Variants in GRIP1 observed in about 807,000 individuals in gnomAD.
GRIP1 encodes glutamate receptor-interacting protein 1.
GRIP1 carries 45 observed loss-of-function variants against 129.9 expected under a neutral mutation model. The observed-to-expected ratio is 0.35, with a 90% CI of 0.27 to 0.44. The LOEUF (loss-of-function observed/expected upper bound fraction) is 0.44, where lower values mean the gene tolerates loss of function less well. Among genes scored for constraint, GRIP1 ranks in the 20% least tolerant of loss-of-function variants. The pLI, the probability that GRIP1 is intolerant of heterozygous loss-of-function variation, is 1.00. For missense variants in GRIP1, 1,196 were observed against 1,396.8 expected (o/e 0.86, Z 2.29); for synonymous variants, 530 against 520.8 (o/e 1.02, Z -0.24).
intron 15 of GRIP1, among the ~76,000 whole-genome samples, chr12:66,411,865 G>A (rs1267708072): frequency 1.3e-5 from 2 of 152,142 alleles, no homozygotes; most frequent in African/African-American, 4.8e-5. Flanking sequence ...AATAGACTAA[G>A]TGGAACAAAG....
At chr12:66,984,674 C>G (rs1482258868) in intron 1 of GRIP1, among the ~76,000 whole-genome samples, 1 of 152,078 alleles carries the variant, frequency 6.6e-6, no homozygotes, top group Admixed American at 6.6e-5. Flanking sequence ...TACTAAAAAC[C>G]CAATCAGATT....
rs2054076556 is a variant in GRIP1 at position 66,348,442 on chromosome 12, T to C, written c.*577A>G. 6.4e-6 allele frequency: 1 copy of C among 156,222 alleles called. No individual in the cohort carries two copies. 9.7% of individuals were successfully genotyped at this position (156,222 alleles called of 1,614,324 possible). A position where few individuals can be genotyped will look rare whatever the true frequency, so the allele number is the denominator to read the frequency against. On this transcript the variant is annotated 3_prime_UTR_variant, in exon 25 of 25. Transcript: ENST00000359742. ...CATTCCTATACGTGGGCAAAACATT[T>C]ACCACCACCTATTATGGTCTCCTAC...
chr12:66,562,924 A>G (rs1305668451), intron 2 of GRIP1, among the ~76,000 whole-genome samples: 1 of 152,118 alleles, frequency 6.6e-6, no homozygotes, highest in Non-Finnish European at 1.5e-5. Context: ...CATAAGGAAG[A>G]AAATATATTT....
At chr12:66,744,807 TAATTTA>T (rs2036894370) in intron 1 of GRIP1, among the ~76,000 whole-genome samples, 1 of 152,196 alleles carries the variant, frequency 6.6e-6, no homozygotes, top group Admixed American at 6.5e-5. Flanking sequence ...TCATCCATCA[TAATTTA>T]GTTTTATACA....
intron 11 of GRIP1, among the ~76,000 whole-genome samples, chr12:66,450,363 A>G (rs2138176383): frequency 6.7e-6 from 1 of 149,556 alleles, no homozygotes; most frequent in Admixed American, 6.7e-5. Flanking sequence ...AAGTCAGTTT[A>G]ATAGTAACAG....
intron 3 of GRIP1, among the ~76,000 whole-genome samples, chr12:66,540,532 T>TA (rs2061742104): frequency 6.6e-6 from 1 of 152,162 alleles, no homozygotes; most frequent in African/African-American, 2.4e-5. Flanking sequence ...CTTAAAAGCC[T>TA]AAAGAAAGCA....
At chr12:66,460,629 T>C (rs186757741) in intron 9 of GRIP1, among the ~76,000 whole-genome samples, 82 of 152,318 alleles carry the variant, frequency 5.4e-4, no homozygotes, top group Non-Finnish European at 8.2e-4. Context: ...TAATCTCTTA[T>C]CCCAAGTTGA....
chr12:66,414,991 G>GAAAAT (rs1592807956), intron 15 of GRIP1, among the ~76,000 whole-genome samples: 1 of 89,008 alleles, frequency 1.1e-5, no homozygotes, highest in East Asian at 3.3e-4. Flanking sequence ...AAATAAAATG[G>GAAAAT]ATTAAAGACT....
intron 1 of GRIP1, among the ~76,000 whole-genome samples, chr12:66,628,266 T>C (rs547156650): frequency 6.6e-6 from 1 of 152,268 alleles, no homozygotes; most frequent in East Asian, 1.9e-4. Context: ...CTAGAGCTCA[T>C]CACTGTGCCT....
chr12:66,385,454 T>G (rs1354465294), intron 19 of GRIP1, among the ~76,000 whole-genome samples: 1 of 152,098 alleles, frequency 6.6e-6, no homozygotes, highest in Admixed American at 6.6e-5. Context: ...GAGAGTCACT[T>G]GAACCTGGGA....
chr12:66,476,021 A>G (rs2059596575), intron 7 of GRIP1, among the ~76,000 whole-genome samples: 1 of 152,246 alleles, frequency 6.6e-6, no homozygotes, highest in South Asian at 2.1e-4. Flanking sequence ...CTAAGATCAG[A>G]GGAGAACTGA....
In GRIP1 at chr12:66,458,019, C is replaced by A. The variant is rs185129700; in HGVS notation, c.1043-1677G>T. Among the ~76,000 whole-genome samples, 85 of 152,298 alleles carry A rather than the reference C, an allele frequency of 5.6e-4. No individual in the cohort carries two copies. The Middle Eastern group carries it at 0.014, about 24-fold the overall frequency. The stretch of plus-strand genomic sequence containing the variant: ...ATTGATTTGTCTACTTTTCCATTTA[C>A]GTGCCAACAATAAAGTATCTTTTAA... On this transcript the variant is annotated intron_variant, in intron 9 of 24. Transcript: ENST00000359742.
intron 1 of GRIP1, among the ~76,000 whole-genome samples, chr12:66,736,346 A>ATTTTTTTTTTTTTTTTTTTTTTTT (rs547706592): frequency 1.5e-5 from 1 of 67,004 alleles, no homozygotes; most frequent in Non-Finnish European, 2.7e-5. Context: ...TGCCTGGCTA[A>ATTTTTTTTTTTTTTTTTTTTTTTT]TTTTTTTTTT....
chr12:66,435,299 C>G (rs1159156926), intron 13 of GRIP1, among the ~76,000 whole-genome samples: 1 of 150,646 alleles, frequency 6.6e-6, no homozygotes, highest in Non-Finnish European at 1.5e-5. Context: ...CCTCTGCAGG[C>G]TCAGGTGATC....
intron 1 of GRIP1, among the ~76,000 whole-genome samples, chr12:66,882,981 G>C (rs745603838): frequency 6.6e-6 from 1 of 152,100 alleles, no homozygotes; most frequent in Non-Finnish European, 1.5e-5. Context: ...CACAAGCAAA[G>C]TAAGAAACAA....
At chr12:66,665,762 C>G (rs1027178127) in intron 1 of GRIP1, among the ~76,000 whole-genome samples, 1 of 152,164 alleles carries the variant, frequency 6.6e-6, no homozygotes, top group Non-Finnish European at 1.5e-5. Flanking sequence ...AGTCACGTAG[C>G]ATGCATTTTT....
At chr12:66,465,901 G>A (rs1481529110) in intron 7 of GRIP1, among the ~76,000 whole-genome samples, 1 of 152,112 alleles carries the variant, frequency 6.6e-6, no homozygotes, top group East Asian at 1.9e-4. Flanking sequence ...AGGGAGGAAG[G>A]GAGGAAGAAA....
intron 5 of GRIP1, among the ~76,000 whole-genome samples, chr12:66,519,104 C>T (rs1278689764): frequency 6.6e-6 from 1 of 150,772 alleles, no homozygotes; most frequent in Non-Finnish European, 1.5e-5. Flanking sequence ...CCAAACCTGG[C>T]ATAGGCCGAA....
intron 2 of GRIP1, among the ~76,000 whole-genome samples, chr12:66,544,932 G>C (rs2061902694): frequency 6.6e-6 from 1 of 152,112 alleles, no homozygotes; most frequent in Admixed American, 6.6e-5. Context: ...ATATATCAAG[G>C]CTTACTGAAC....
Sources: allele counts gnomAD v4.1 joint callset (sites outside exome capture counted in the v4.1 genomes callset), GRCh38; gene constraint gnomAD v4.1.1; transcripts MANE v1.5; gene names NCBI Gene and HGNC (gene_info 2026-07-23, HGNC 2026-07-21).